Variants in SEPTIN9 observed in about 807,000 individuals in gnomAD.
SEPTIN9 encodes the protein septin-9.
SEPTIN9 carries 13 observed loss-of-function variants against 56.6 expected under a neutral mutation model. That is an observed-to-expected ratio of 0.23 (90% CI 0.15 to 0.37). The LOEUF is 0.37. Among genes scored for constraint, SEPTIN9 ranks in the 10% least tolerant of loss-of-function variants. The pLI, the probability that SEPTIN9 is intolerant of heterozygous loss-of-function variation, is 1.00. For synonymous variants in SEPTIN9, 332 were observed against 334.1 expected (o/e 0.99, Z 0.07); for missense variants, 650 against 823.1 (o/e 0.79, Z 2.57).
At chr17:77,404,329 CT>C (rs2035994918) in intron 3 of SEPTIN9, among the ~76,000 whole-genome samples, 1 of 152,194 alleles carries the variant, frequency 6.6e-6, no homozygotes, top group Non-Finnish European at 1.5e-5. Flanking sequence ...ACTGCAACCT[CT>C]GCCCCCTGGG....
chr17:77,363,185 T>TG (rs1429026104), intron 2 of SEPTIN9, among the ~76,000 whole-genome samples: 1 of 152,010 alleles, frequency 6.6e-6, no homozygotes, highest in African/African-American at 2.4e-5. Context: ...GAGTCCAGCT[T>TG]GGGGGGACCC....
At chr17:77,332,425 T>C (rs1474689694) in intron 2 of SEPTIN9, among the ~76,000 whole-genome samples, 45 of 152,214 alleles carry the variant, frequency 3.0e-4, no homozygotes, top group Non-Finnish European at 5.9e-5. Flanking sequence ...ACGCTGGTTT[T>C]GATGCACTTA....
chr17:77,409,401 G>T (rs1434314420), intron 3 of SEPTIN9, among the ~76,000 whole-genome samples: 1 of 152,120 alleles, frequency 6.6e-6, no homozygotes, highest in African/African-American at 2.4e-5. Context: ...CCCTCCCCTC[G>T]CCGGCCTGCC....
chr17:77,498,626 G>A lies in SEPTIN9; in HGVS notation c.1729G>A (p.Glu577Lys). ...CAGCAGCGCCATGGCCAACGGCATG[G>A]AGGAGAAGGAGCCAGAAGCCCCGGA... ...EGSSAMANGM[E>K]EKEPEAPEM The change falls in exon 12 of 12, where the codon GAG becomes AAG. Residue 577 changes from glutamate (E) to lysine (K), a missense_variant. By Grantham distance (56) the Glu-to-Lys change is moderately conservative. Transcript: ENST00000427177. 1 of 1,609,912 alleles carries A rather than the reference G, an allele frequency of 6.2e-7. No individual in the cohort carries two copies. The highest frequency in any genetic ancestry group is 8.5e-7 in the Non-Finnish European group (1 of 1,178,534).
chr17:77,492,095 G>C lies in SEPTIN9; in HGVS notation c.1381-526G>C, dbSNP rs1181023721. On this transcript the variant is annotated intron_variant, in intron 8 of 11. Transcript: ENST00000427177. The surrounding 1 kb of genome is among the most constrained non-coding windows in gnomAD (Gnocchi z 5.4). ...CAGGGACCTTCCCAGCATGTGCAGG[G>C]GAAGACAGTCCACACAAAGTGGGTG... 6.6e-6 allele frequency among the ~76,000 whole-genome samples: 1 copy of C among 152,184 alleles called. No individual in the cohort carries two copies. Among genetic ancestry groups the C allele is most frequent in the Non-Finnish European group, 1.5e-5 (1 of 68,030 alleles).
chr17:77,498,832 A>C lies in SEPTIN9; in HGVS notation c.*174A>C. 1 of 622,364 alleles carries C rather than the reference A, an allele frequency of 1.6e-6. No homozygotes were observed. The highest frequency in any genetic ancestry group is 3.2e-5 in the East Asian group (1 of 31,696). The allele number at this position is 622,364 out of a possible 1,614,324, so 38.6% of individuals were successfully genotyped here. On this transcript the variant is annotated 3_prime_UTR_variant, in exon 12 of 12. Transcript: ENST00000427177. ...GGGCCTCCCTCCGAGTGAGTCAGTG[A>C]TGAGGCCGCGGCCTCCCCGAGGTTG...
chr17:77,366,991 A>C lies in SEPTIN9; in HGVS notation c.77-35068A>C, dbSNP rs929420653. Among the ~76,000 whole-genome samples the C allele has an allele frequency of 8.5e-5, 13 of 152,258 alleles. 1 individual carries two copies. The East Asian group carries it at 2.3e-3, about 27-fold the overall frequency. On this transcript the variant is annotated intron_variant, in intron 2 of 11. Coordinates refer to ENST00000427177, the MANE Select transcript of SEPTIN9 (RefSeq NM_001113491.2). ...GTTTTGCTGTAAATGTTCTGCACAA[A>C]GCAGGCTGGGGGGATCACTGGGAAG...
chr17:77,320,495 G>A (rs552919908), intron 2 of SEPTIN9: 14 of 760,856 alleles, frequency 1.8e-5, no homozygotes, highest in Admixed American at 4.4e-5. Context: ...TTCCAAGCTC[G>A]TGGGATGAAC....
chr17:77,324,819 A>ATT (rs71160225), intron 2 of SEPTIN9, among the ~76,000 whole-genome samples: 58,487 of 130,128 alleles, frequency 0.45, 14,833 homozygotes, highest in East Asian at 0.9. Flanking sequence ...TTGATATGCA[A>ATT]TTTTTTTTTT....
chr17:77,358,639 C>A (rs2034326721), intron 2 of SEPTIN9, among the ~76,000 whole-genome samples: 1 of 151,978 alleles, frequency 6.6e-6, no homozygotes, highest in African/African-American at 2.4e-5. Context: ...GACTCTGTCT[C>A]AAAAATAATA....
chr17:77,398,222 A>G (rs1367371298), intron 2 of SEPTIN9, among the ~76,000 whole-genome samples: 1 of 140,490 alleles, frequency 7.1e-6, no homozygotes, highest in East Asian at 2.2e-4. Flanking sequence ...CGATCTGTCC[A>G]CCTTGGCTTC....
At position 77,291,031 on chromosome 17, in the gene SEPTIN9, A is replaced by ATT. The variant is rs869237556; in HGVS notation, c.19+9498_19+9499dup. Among the ~76,000 whole-genome samples, 209 of 108,754 alleles carry ATT rather than the reference A, an allele frequency of 1.9e-3. 1 individual carries two copies. Among genetic ancestry groups the ATT allele is most frequent in the Non-Finnish European group, 2.3e-3 (126 of 54,256 alleles). The allele number at this position is 108,754 out of a possible 152,430, so 71.3% of individuals were successfully genotyped here. ...CAGGTGTGCGCTGCATGCCTGGCTA[A>ATT]TTTTTTTTTTTTTTTTTTTTTTGAG... On this transcript the variant is annotated intron_variant, in intron 1 of 11. Coordinates refer to ENST00000427177, the MANE Select transcript of SEPTIN9 (RefSeq NM_001113491.2).
chr17:77,493,021 C>T lies in SEPTIN9; in HGVS notation c.1518C>T (p.Tyr506=), dbSNP rs1477055110. 1 of 1,571,008 alleles carries T rather than the reference C, an allele frequency of 6.4e-7. No individual in the cohort carries two copies. Among genetic ancestry groups the T allele is most frequent in the East Asian group, 2.4e-5 (1 of 42,216 alleles). ...PFAVVGSDHE[Y]QVNGKRILGR... ...CTGTGGTGGGCAGTGACCACGAGTA[C>T]CAGGTCAACGGCAAGAGGATCCTTG... Residue 506 remains tyrosine (Y), a synonymous_variant, in exon 10 of 12, where the codon TAC becomes TAT. Transcript: ENST00000427177.
chr17:77,428,605 C>T (rs1002436357), intron 3 of SEPTIN9, among the ~76,000 whole-genome samples: 3 of 152,238 alleles, frequency 2.0e-5, no homozygotes, highest in African/African-American at 7.2e-5. Context: ...TGTGCGGCGG[C>T]ATCCTCATCT....
chr17:77,497,934 G>A (rs2040341409), intron 11 of SEPTIN9, among the ~76,000 whole-genome samples: 1 of 151,350 alleles, frequency 6.6e-6, no homozygotes, highest in African/African-American at 2.4e-5. Flanking sequence ...GTTGGCGGGG[G>A]CAGGGGTGGG....
chr17:77,420,342 G>A (rs2036655277), intron 3 of SEPTIN9, among the ~76,000 whole-genome samples: 1 of 152,214 alleles, frequency 6.6e-6, no homozygotes, highest in South Asian at 2.1e-4. Flanking sequence ...ACACTTGCGT[G>A]CTTCTGCATG....
At chr17:77,419,627 G>C (rs146374555) in intron 3 of SEPTIN9, among the ~76,000 whole-genome samples, 1 of 152,162 alleles carries the variant, frequency 6.6e-6, no homozygotes, top group Non-Finnish European at 1.5e-5. Context: ...TCTCTCTCCC[G>C]GTCCCTCCCC....
chr17:77,411,887 T>C (rs962929764), intron 3 of SEPTIN9, among the ~76,000 whole-genome samples: 1 of 151,940 alleles, frequency 6.6e-6, no homozygotes, highest in Non-Finnish European at 1.5e-5. Flanking sequence ...CCCAGCACTT[T>C]GGGAGGCCAA....
At chr17:77,346,537 G>A (rs2143784258) in intron 2 of SEPTIN9, among the ~76,000 whole-genome samples, 1 of 151,642 alleles carries the variant, frequency 6.6e-6, no homozygotes, top group Non-Finnish European at 1.5e-5. Context: ...ATCTTACTTT[G>A]GCCAGACAAG....
Sources: gnomAD v4.1 joint callset for allele counts (sites outside exome capture counted in the v4.1 genomes callset) on GRCh38, gnomAD v4.1.1 for gene constraint, Gnocchi (gnomAD v3.1) non-coding constraint, MANE v1.5 for transcripts, NCBI Gene and HGNC (gene_info 2026-07-23, HGNC 2026-07-21) for gene names.